RAD17: variants seen among roughly 807,000 people sequenced by gnomAD.
RAD17 encodes RAD17 checkpoint clamp loader component.
A neutral mutation model predicts 81.5 loss-of-function variants in RAD17; 31 were observed. The observed-to-expected ratio is 0.38, with a 90% CI of 0.29 to 0.51. The LOEUF is 0.51. Among genes scored for constraint, RAD17 ranks in the 20% least tolerant of loss-of-function variants. The pLI, the probability that RAD17 is intolerant of heterozygous loss-of-function variation, is 0.88. For missense variants in RAD17, 681 were observed against 781.2 expected (o/e 0.87, Z 1.53); for synonymous variants, 261 against 266.2 (o/e 0.98, Z 0.19).
At chr5:69,387,623 C>T (rs1324791547) in intron 11 of RAD17, among the ~76,000 whole-genome samples, 2 of 152,052 alleles carry the variant, frequency 1.3e-5, no homozygotes, top group Non-Finnish European at 2.9e-5. Context: ...TTTGGGAGGC[C>T]GAGGTGGGTG....
Position 69,381,926 on chromosome 5 carries a change from G to T in RAD17, c.377G>T (p.Gly126Val). Residue 126 changes from glycine to valine, a missense_variant, in exon 7 of 19, where the codon GGT becomes GTT. Transcript: ENST00000354868. ...GGTGGATCTATTTTATTAATAACAG[G>T]TCCTCCTGGATGTGGAAAGACAACG... ...KQGGSILLIT[G>V]PPGCGKTTTL... 1 of 1,604,560 alleles carries T rather than the reference G, an allele frequency of 6.2e-7. No individual in the cohort carries two copies. The highest frequency in any genetic ancestry group is 1.7e-5 in the Admixed American group (1 of 58,418).
In RAD17 at chr5:69,398,845, C is replaced by T. The variant is rs530387786; in HGVS notation, c.1573-1204C>T. Among the ~76,000 whole-genome samples, 18 of 123,656 alleles carry T rather than the reference C, an allele frequency of 1.5e-4. No homozygotes were observed. The South Asian group carries it at 4.9e-3, about 33-fold the overall frequency. The allele number at this position is 123,656 out of a possible 152,430, so 81.1% of individuals were successfully genotyped here. A position where few individuals can be genotyped will look rare whatever the true frequency, so the allele number is the denominator to read the frequency against. The stretch of plus-strand genomic sequence containing the variant: ...AAAGTTAGATATGAATTTCTAGCTT[C>T]AGAATTTCTGGAATCTCCTGGTTAA... On this transcript the variant is annotated intron_variant, in intron 16 of 18. Coordinates refer to ENST00000354868, the MANE Select transcript of RAD17 (RefSeq NM_133338.3).
Position 69,372,790 on chromosome 5 carries a change from T to G in RAD17, c.9+573T>G, listed in dbSNP as rs538424766. Among the ~76,000 whole-genome samples, 7 of 152,180 alleles carry G rather than the reference T, an allele frequency of 4.6e-5. No individual in the cohort carries two copies. The East Asian group carries it at 1.4e-3, about 29-fold the overall frequency. Reference sequence around the variant, plus strand: ...CCATGCCTGGCTAATTTTTTATTTTTTGTAGAGTTGGGGTCTCCCTATGTT... The same window carrying G: ...CCATGCCTGGCTAATTTTTTATTTTGTGTAGAGTTGGGGTCTCCCTATGTT... On this transcript the variant is annotated intron_variant, in intron 4 of 18. Coordinates refer to ENST00000354868, the MANE Select transcript of RAD17 (RefSeq NM_133338.3).
At chr5:69,400,512 G>A (rs1007129127) in intron 17 of RAD17, among the ~76,000 whole-genome samples, 1 of 152,014 alleles carries the variant, frequency 6.6e-6, no homozygotes, top group African/African-American at 2.4e-5. Flanking sequence ...CACCGCACAC[G>A]GCCAGAAGTA....
chr5:69,372,140 T>C lies in RAD17; in HGVS notation c.-69T>C. 6.5e-7 allele frequency: 1 copy of C among 1,542,406 alleles called. No individual in the cohort carries two copies. ...TTTACTATAATGAAAGATATTTTCA[T>C]ACTCTCAAAAATATAGAGGAAAGGG... On this transcript the variant is annotated 5_prime_UTR_variant, in exon 4 of 19. Transcript: ENST00000354868.
At chr5:69,400,579 CTTT>C (rs1293317639) in intron 17 of RAD17, among the ~76,000 whole-genome samples, 1 of 150,624 alleles carries the variant, frequency 6.6e-6, no homozygotes, top group Non-Finnish European at 1.5e-5. Flanking sequence ...CAGTGAGATA[CTTT>C]TTTTCCTTTT....
At chr5:69,393,555 A>C in intron 15 of RAD17, 55 bp downstream of exon 15, 2 of 1,485,544 alleles carry the variant, frequency 1.3e-6, no homozygotes. Flanking sequence ...TAGAATTAAG[A>C]AAAGAAAGTT....
chr5:69,413,769 A>G (rs535961876), intron 18 of RAD17, among the ~76,000 whole-genome samples: 1 of 152,320 alleles, frequency 6.6e-6, no homozygotes, highest in African/African-American at 2.4e-5. Flanking sequence ...TCCTGGCCTC[A>G]AGTGATCTGC....
chr5:69,382,118 C>A, intron 7 of RAD17, 61 bp downstream of exon 7: 1 of 1,529,552 alleles, frequency 6.5e-7, no homozygotes, highest in Admixed American at 1.9e-5. Context: ...AGGGAGCTTT[C>A]AGATAAAGTT....
chr5:69,414,114 A>C lies in RAD17; in HGVS notation c.1835A>C (p.His612Pro). The C allele has an allele frequency of 6.2e-7, 1 of 1,614,228 alleles. No homozygotes were observed. Among genetic ancestry groups the C allele is most frequent in the Non-Finnish European group, 8.5e-7 (1 of 1,180,048 alleles). The change falls in exon 19 of 19, where the codon CAT (histidine) becomes CCT (proline). Residue 612 changes from histidine (H) to proline (P), a missense_variant. Physicochemically the swap from His to Pro is moderately conservative, Grantham distance 77 (BLOSUM62 -2). Transcript: ENST00000354868. ...SGDEAQLNGG[H>P]SAEESLGEPT... ...GATGAAGCCCAGCTTAATGGAGGAC[A>C]TTCTGCAGAGGAATCTCTGGGTGAA...
At chr5:69,389,392 T>C (rs944584918) in intron 12 of RAD17, among the ~76,000 whole-genome samples, 1 of 152,202 alleles carries the variant, frequency 6.6e-6, no homozygotes, top group African/African-American at 2.4e-5. Flanking sequence ...AGAACCAGAT[T>C]TCCTGGATAA....
chr5:69,374,240 C>G (rs1441234028), intron 5 of RAD17, among the ~76,000 whole-genome samples, 153 bp downstream of exon 5: 1 of 152,002 alleles, frequency 6.6e-6, no homozygotes, highest in Non-Finnish European at 1.5e-5. Context: ...TTTTCCAAGG[C>G]TTAGATTTTT....
intron 17 of RAD17, among the ~76,000 whole-genome samples, chr5:69,403,615 C>A (rs1765409261): frequency 6.6e-6 from 1 of 152,118 alleles, no homozygotes; most frequent in African/African-American, 2.4e-5. Context: ...CTGATAAGGT[C>A]AACTCTATCT....
At chr5:69,371,590 G>T (rs745405661) in intron 3 of RAD17, 33 bp downstream of exon 3, 2 of 1,265,392 alleles carry the variant, frequency 1.6e-6, no homozygotes, top group Non-Finnish European at 1.0e-6. Context: ...TGTAATAATT[G>T]CCTTAAAATA....
At chr5:69,382,817 A>G (rs890390363) in intron 7 of RAD17, among the ~76,000 whole-genome samples, 2 of 151,850 alleles carry the variant, frequency 1.3e-5, no homozygotes, top group African/African-American at 4.8e-5. Context: ...ATTTATTTTT[A>G]TTTTTTTTGA....
Position 69,393,169 on chromosome 5 carries a change from G to A in RAD17, c.1204G>A (p.Glu402Lys). 2 of 1,607,568 alleles carry A rather than the reference G, an allele frequency of 1.2e-6. No homozygotes were observed. Among genetic ancestry groups the A allele is most frequent in the Non-Finnish European group, 1.7e-6 (2 of 1,175,520 alleles). ...ATTTTTTATAGGAGCATCTTTAACA[G>A]AATTAGACTCACCTCGGTTGCCCTC... ...ILYCKRASLT[E>K]LDSPRLPSHL... Residue 402 changes from glutamate (E) to lysine (K), a missense_variant, in exon 14 of 19, where the codon GAA becomes AAA. Glu to Lys is a moderately conservative substitution (Grantham distance 56, BLOSUM62 1). Coordinates refer to ENST00000354868, the MANE Select transcript of RAD17 (RefSeq NM_133338.3).
chr5:69,408,907 C>T (rs566250832), intron 17 of RAD17, among the ~76,000 whole-genome samples: 1 of 152,290 alleles, frequency 6.6e-6, no homozygotes, highest in African/African-American at 2.4e-5. Flanking sequence ...CAGGTGTAGG[C>T]TTTCAAGCCA....
intron 6 of RAD17, 107 bp downstream of exon 6, chr5:69,374,818 A>C: frequency 1.0e-6 from 1 of 969,268 alleles, no homozygotes; most frequent in Non-Finnish European, 1.5e-6. Flanking sequence ...AAATAAGTCT[A>C]GATCTCCTGC....
At chr5:69,390,321 A>G (rs1764473700) in intron 12 of RAD17, among the ~76,000 whole-genome samples, 1 of 152,156 alleles carries the variant, frequency 6.6e-6, no homozygotes, top group Non-Finnish European at 1.5e-5. Context: ...CTTTTAAGCC[A>G]TGCACTCTTG....
Sources: allele counts gnomAD v4.1 joint callset (sites outside exome capture counted in the v4.1 genomes callset), GRCh38; gene constraint gnomAD v4.1.1; transcripts MANE v1.5; gene names NCBI Gene and HGNC (gene_info 2026-07-23, HGNC 2026-07-21).